The following R3HDM4 variants were observed in gnomAD, a reference collection of about 807,000 sequenced individuals.
The protein encoded by R3HDM4 is R3H domain containing 4, also known as R3H domain-containing protein 4.
Under a neutral mutation model 31.3 loss-of-function variants are expected in R3HDM4, and 30 were observed. The observed-to-expected ratio is 0.96, with a 90% CI of 0.72 to 1.30. R3HDM4 has a LOEUF of 1.30. Among genes scored for constraint, R3HDM4 ranks in the 50% most tolerant of loss-of-function variants. R3HDM4 has a pLI of 0.00. For synonymous variants in R3HDM4, 196 were observed against 156.6 expected (o/e 1.25, Z -1.88); for missense variants, 444 against 366.1 (o/e 1.21, Z -1.74).
chr19:904,693 T>A lies in R3HDM4; in HGVS notation c.72-2563A>T, dbSNP rs867102223. The stretch of plus-strand genomic sequence containing the variant: ...CAGGAGGCTGAGGAGGGAGGATCAC[T>A]TGAGCCCAGAAGGTGGAGGCTGCAG... On this transcript the variant is annotated intron_variant, in intron 1 of 7. Transcript: ENST00000361574. Among the ~76,000 whole-genome samples the A allele has an allele frequency of 1.3e-5, 2 of 151,966 alleles. 1 individual carries two copies. Among genetic ancestry groups the A allele is most frequent in the South Asian group, 4.2e-4 (2 of 4,812 alleles).
At position 899,834 on chromosome 19, in the gene R3HDM4, C is replaced by T. The variant is rs2036801936; in HGVS notation, c.562-148G>A. On this transcript the variant is annotated intron_variant, in intron 5 of 7. Coordinates refer to ENST00000361574, the MANE Select transcript of R3HDM4 (RefSeq NM_138774.4). The surrounding 1 kb of genome is among the most constrained non-coding windows in gnomAD (Gnocchi z 6.8). ...GGCTGCTTAAGTGTCTCTGAGGCCA[C>T]CATGCCACCTCCTGCCTGTGCCTTC... 1 of 760,316 alleles carries T rather than the reference C, an allele frequency of 1.3e-6. No homozygotes were observed. Among genetic ancestry groups the T allele is most frequent in the African/African-American group, 1.8e-5 (1 of 56,578 alleles). 47.1% of individuals were successfully genotyped at this position (760,316 alleles called of 1,614,324 possible).
intron 1 of R3HDM4, chr19:902,368 G>C (rs2036849378): frequency 1.9e-6 from 1 of 522,364 alleles, no homozygotes; most frequent in Admixed American, 3.2e-5. Context: ...CCAGCATTGT[G>C]GGAGGCTGAG....
chr19:902,959 T>C (rs1294783732), intron 1 of R3HDM4, among the ~76,000 whole-genome samples: 1 of 150,740 alleles, frequency 6.6e-6, no homozygotes, highest in Non-Finnish European at 1.5e-5. Flanking sequence ...AACAAAAAAC[T>C]GTGATGATAG....
rs187585374 is a variant in R3HDM4, at chr19:907,354, C to A, written c.72-5224G>T. Among the ~76,000 whole-genome samples, 99 of 148,622 alleles carry A rather than the reference C, an allele frequency of 6.7e-4. No homozygotes were observed. Among genetic ancestry groups the A allele is most frequent in the Non-Finnish European group, 1.2e-3 (76 of 65,746 alleles). Reference sequence around the variant, plus strand: ...CCCATGCCCCAGATTCACCCACAGCCCCCCCTGAGGCCCCGGGGCCTACTT... The same window carrying A: ...CCCATGCCCCAGATTCACCCACAGCACCCCCTGAGGCCCCGGGGCCTACTT... On this transcript the variant is annotated intron_variant, in intron 1 of 7. Transcript: ENST00000361574. This position sits in a 1 kb window ranked among gnomAD's most constrained non-coding sequence, Gnocchi z 4.1.
At position 906,321 on chromosome 19, in the gene R3HDM4, G is replaced by A. The variant is rs558606234; in HGVS notation, c.72-4191C>T. Reference sequence around the variant, plus strand: ...TGCAAGCTCTGCCTCCCGGGTTCACGCCATTCTCCTGCCTCAGCCTCCCGA... The same window carrying A: ...TGCAAGCTCTGCCTCCCGGGTTCACACCATTCTCCTGCCTCAGCCTCCCGA... On this transcript the variant is annotated intron_variant, in intron 1 of 7. Coordinates refer to ENST00000361574, the MANE Select transcript of R3HDM4 (RefSeq NM_138774.4). Among the ~76,000 whole-genome samples the A allele has an allele frequency of 1.7e-3, 253 of 150,260 alleles. 3 individuals are homozygous for A. Among genetic ancestry groups the A allele is most frequent in the African/African-American group, 5.8e-3 (237 of 40,668 alleles).
intron 3 of R3HDM4, 65 bp downstream of exon 3, chr19:901,357 G>A (rs1166010669): frequency 7.2e-6 from 11 of 1,537,158 alleles, no homozygotes; most frequent in Non-Finnish European, 9.6e-6. Context: ...CACAGGCGAT[G>A]GCCTGGCCGT....
intron 4 of R3HDM4, among the ~76,000 whole-genome samples, chr19:900,493 C>T (rs2036813989): frequency 6.6e-6 from 1 of 151,504 alleles, no homozygotes; most frequent in South Asian, 2.1e-4. Flanking sequence ...CTCCATGTCC[C>T]GCCCCATCCA....
At chr19:898,437 C>T (rs1322155162) in intron 7 of R3HDM4, among the ~76,000 whole-genome samples, 1 of 131,008 alleles carries the variant, frequency 7.6e-6, no homozygotes, top group Non-Finnish European at 1.6e-5. Context: ...CCCGTCTCTA[C>T]TAAAAATACA....
rs754434107 is a variant in R3HDM4 at position 899,627 on chromosome 19, G to T, written c.621C>A (p.Ala207=). 6.8e-6 allele frequency: 11 copies of T among 1,609,682 alleles called. No individual in the cohort carries two copies. In the Admixed American group the frequency reaches 1.9e-4, roughly 27 times the overall value. Residue 207 remains alanine (A), a synonymous_variant, in exon 6 of 8, where the codon GCC becomes GCA. Transcript: ENST00000361574. The surrounding 1 kb of genome is among the most constrained non-coding windows in gnomAD (Gnocchi z 6.8). ...TGTTGTCTAGCATTGCTGTGTACAC[G>T]GCCTGGGGGGACACGGAGAAGAACC... ...LLRFFSVSPQ[A]VYTAMLDNSF... is the part of the protein sequence containing the mutation.
chr19:898,229 A>AAT lies in R3HDM4; in HGVS notation c.704-691_704-690dup, dbSNP rs1555720572. 8.5e-3 allele frequency among the ~76,000 whole-genome samples: 1,198 copies of AAT among 140,634 alleles called. 14 individuals carry two copies. The highest frequency in any genetic ancestry group is 0.045 in the South Asian group (194 of 4,272). The allele number at this position is 140,634 out of a possible 152,430, so 92.3% of individuals were successfully genotyped here. On this transcript the variant is annotated intron_variant, in intron 7 of 7. Transcript: ENST00000361574. ...AAACCCTGTCTCTACTAAAAAAAAA[A>AAT]ATATATATATATATATATACAAAAA...
rs1033750015 is a variant in R3HDM4 at position 901,447 on chromosome 19, G to A, written c.326C>T (p.Ala109Val). 1 of 1,608,358 alleles carries A rather than the reference G, an allele frequency of 6.2e-7. No homozygotes were observed. The highest frequency in any genetic ancestry group is 1.3e-5 in the African/African-American group (1 of 74,992). The change falls in exon 3 of 8, where the codon GCC (alanine) becomes GTC (valine). Residue 109 changes from alanine to valine, a missense_variant. Physicochemically the swap from Ala to Val is moderately conservative, Grantham distance 64. Transcript: ENST00000361574. ...CTCCACATAGGTGGCGTTGTTGCAG[G>A]CCTCGGCAAAGATGCCTGGTGATGC... ...PPASPGIFAE[A>V]CNNATYVEVW...
chr19:900,922 C>A lies in R3HDM4; in HGVS notation c.382G>T (p.Glu128Ter). 3 of 1,607,848 alleles carry A rather than the reference C, an allele frequency of 1.9e-6. No homozygotes were observed. The highest frequency in any genetic ancestry group is 1.7e-6 in the Non-Finnish European group (2 of 1,178,046). ...VWNDFMNRSG[E>*]EQERVLRYLE... ...TAGCGAAGAACCCGCTCCTGCTCCTCCCCGGAGCGGTTCATGAAATCGTTC... is the reference window on the plus strand; with the variant it reads ...TAGCGAAGAACCCGCTCCTGCTCCTACCCGGAGCGGTTCATGAAATCGTTC... The change falls in exon 4 of 8, where the codon GAG (glutamate) becomes TAG (stop). Residue 128 changes from glutamate to a stop codon, truncating the protein, a stop_gained. Coordinates refer to ENST00000361574, the MANE Select transcript of R3HDM4 (RefSeq NM_138774.4). LOFTEE classifies it high-confidence loss of function.
intron 1 of R3HDM4, among the ~76,000 whole-genome samples, chr19:903,499 G>C (rs1252111735): frequency 9.2e-5 from 14 of 152,066 alleles, no homozygotes; most frequent in Non-Finnish European, 1.5e-5. Flanking sequence ...CCGGGAAGCG[G>C]GCGGCGTTTG....
At chr19:897,679 C>T (rs979578854) in intron 7 of R3HDM4, 139 bp from the exon 8 acceptor site, 1 of 671,228 alleles carries the variant, frequency 1.5e-6, no homozygotes, top group Non-Finnish European at 2.6e-6. Context: ...TGCGGCCTGG[C>T]TGGCCCTAAG....
chr19:910,377 G>C (rs1051980432), intron 1 of R3HDM4, among the ~76,000 whole-genome samples: 3 of 151,816 alleles, frequency 2.0e-5, no homozygotes, highest in Admixed American at 6.6e-5. Flanking sequence ...CTAGCTACTC[G>C]GGAGGCTGGG....
intron 1 of R3HDM4, among the ~76,000 whole-genome samples, chr19:905,068 C>T (rs565219609): frequency 1.5e-4 from 23 of 152,136 alleles, no homozygotes; most frequent in East Asian, 7.8e-4. Context: ...ATAAGCCGGG[C>T]GTGGTGGCAT....
chr19:912,981 G>C, intron 1 of R3HDM4, 106 bp downstream of exon 1: 1 of 335,416 alleles, frequency 3.0e-6, no homozygotes, highest in Non-Finnish European at 4.4e-6. Flanking sequence ...CGAAGGGAAC[G>C]AGGGGAGGGA....
chr19:899,507 G>A lies in R3HDM4; in HGVS notation c.648-12C>T, dbSNP rs370794571. 3.0e-5 allele frequency: 49 copies of A among 1,613,446 alleles called. No homozygotes were observed. The highest frequency in any genetic ancestry group is 6.7e-5 in the Admixed American group (4 of 59,996). On this transcript the variant is annotated splice_polypyrimidine_tract_variant and intron_variant, in intron 6 of 7. Coordinates refer to ENST00000361574, the MANE Select transcript of R3HDM4 (RefSeq NM_138774.4). The surrounding 1 kb of genome is among the most constrained non-coding windows in gnomAD (Gnocchi z 6.8). ...GAAGCCTCTCGAAGCTGTGGGGAACGGGCAGTGAGCGCCGTGCAGGGGCTG... is the reference window on the plus strand; with the variant it reads ...GAAGCCTCTCGAAGCTGTGGGGAACAGGCAGTGAGCGCCGTGCAGGGGCTG...
At position 913,047 on chromosome 19, in the gene R3HDM4, CGCCCCCGGCG is replaced by C. The variant is rs1253318364; in HGVS notation, c.71+30_71+39del. ...GGATCTCAGGGGAGGGAGCCCAGCC[CGCCCCCGGCG>C]CCCGCCGCGCCCCGCCCGCCCGCGC... On this transcript the variant is annotated intron_variant, in intron 1 of 7. Coordinates refer to ENST00000361574, the MANE Select transcript of R3HDM4 (RefSeq NM_138774.4). The surrounding 1 kb of genome is among the most constrained non-coding windows in gnomAD (Gnocchi z 5.0). 3 of 827,544 alleles carry C rather than the reference CGCCCCCGGCG, an allele frequency of 3.6e-6. No individual in the cohort carries two copies. Among genetic ancestry groups the C allele is most frequent in the Admixed American group, 1.2e-4 (2 of 17,046 alleles). The allele number at this position is 827,544 out of a possible 1,614,324, so 51.3% of individuals were successfully genotyped here. A position where few individuals can be genotyped will look rare whatever the true frequency, so the allele number is the denominator to read the frequency against.
Sources: allele counts gnomAD v4.1 joint callset (sites outside exome capture counted in the v4.1 genomes callset), GRCh38; gene constraint gnomAD v4.1.1; non-coding constraint Gnocchi (gnomAD v3.1); transcripts MANE v1.5; gene names NCBI Gene and HGNC (gene_info 2026-07-23, HGNC 2026-07-21).